Variants in ETF1 observed in about 807,000 individuals in gnomAD.
ETF1 encodes eukaryotic translation termination factor 1.
Under a neutral mutation model 55.1 loss-of-function variants are expected in ETF1, and 4 were observed. The ratio of observed to expected loss-of-function variants is 0.07; its 90% CI spans 0.04 to 0.17. The LOEUF is 0.17. Among genes scored for constraint, ETF1 ranks in the 10% least tolerant of loss-of-function variants. ETF1 has a pLI of 1.00. For synonymous variants in ETF1, 157 were observed against 182.3 expected (o/e 0.86, Z 1.12); for missense variants, 142 against 523.6 (o/e 0.27, Z 7.11).
chr5:138,511,530 C>G lies in ETF1; in HGVS notation c.807G>C (p.Glu269Asp). The G allele has an allele frequency of 6.2e-7, 1 of 1,613,510 alleles. No homozygotes were observed. The highest frequency in any genetic ancestry group is 8.5e-7 in the Non-Finnish European group (1 of 1,179,862). The change falls in exon 7 of 11, where the codon GAG becomes GAC. Residue 269 changes from glutamate (E) to aspartate (D), a missense_variant. This residue lies in a region of ETF1 where 82 missense variants were observed against 232.9 expected (regional missense o/e 0.35). Coordinates refer to ENST00000360541, the MANE Select transcript of ETF1 (RefSeq NM_004730.4). Reference protein sequence around the residue: ...GGENGFNQAIELSTEVLSNVK... With the variant: ...GGENGFNQAIDLSTEVLSNVK... Reference sequence around the variant, plus strand: ...CGTTGGAGAGGACTTCAGTAGATAACTCAATAGCTTGGTTGAATCCATTTT... The same window carrying G: ...CGTTGGAGAGGACTTCAGTAGATAAGTCAATAGCTTGGTTGAATCCATTTT...
At chr5:138,526,801 A>G (rs1339049934) in intron 2 of ETF1, among the ~76,000 whole-genome samples, 1 of 151,844 alleles carries the variant, frequency 6.6e-6, no homozygotes, top group South Asian at 2.1e-4. Context: ...CCTGGGTTCA[A>G]GCAATTCTTC....
chr5:138,514,581 T>G (rs1432632403), intron 4 of ETF1, among the ~76,000 whole-genome samples: 1 of 151,968 alleles, frequency 6.6e-6, no homozygotes, highest in Non-Finnish European at 1.5e-5. Context: ...TTTTTTTTTT[T>G]TTTGAGACAG....
intron 2 of ETF1, among the ~76,000 whole-genome samples, chr5:138,532,986 C>T (rs1387526370): frequency 1.3e-5 from 2 of 151,832 alleles, no homozygotes; most frequent in Non-Finnish European, 2.9e-5. Context: ...GTAACCCAGG[C>T]TGGAGTACAG....
intron 2 of ETF1, among the ~76,000 whole-genome samples, chr5:138,541,931 T>TC (rs1240009595): frequency 7.9e-5 from 12 of 151,622 alleles, no homozygotes; most frequent in African/African-American, 2.7e-4. Flanking sequence ...TAGCCTACTC[T>TC]CCCCCCAATG....
intron 10 of ETF1, 119 bp from the exon 11 acceptor site, chr5:138,508,506 G>A (rs1460695953): frequency 5.1e-6 from 8 of 1,560,726 alleles, no homozygotes; most frequent in Middle Eastern, 1.7e-4. Context: ...AAGCAAAGAG[G>A]TAATAATAAA....
chr5:138,506,870 G>C lies in ETF1; in HGVS notation c.*1435C>G, dbSNP rs568993217. 2.0e-5 allele frequency: 3 copies of C among 152,736 alleles called. No individual in the cohort carries two copies. In the East Asian group the frequency reaches 5.8e-4, roughly 29 times the overall value. 9.5% of individuals were successfully genotyped at this position (152,736 alleles called of 1,614,324 possible). On this transcript the variant is annotated 3_prime_UTR_variant, in exon 11 of 11. Coordinates refer to ENST00000360541, the MANE Select transcript of ETF1 (RefSeq NM_004730.4). The stretch of plus-strand genomic sequence containing the variant: ...GCAGTCAGGCACTAAAGTGTTAAAA[G>C]TACCCAATTTGAAAACCAAATGCAC...
intron 2 of ETF1, among the ~76,000 whole-genome samples, chr5:138,531,213 G>A (rs1243447456): frequency 6.6e-6 from 1 of 152,046 alleles, no homozygotes; most frequent in South Asian, 2.1e-4. Context: ...AGTCACACGC[G>A]CACACAAAAA....
At chr5:138,508,510 T>C in intron 10 of ETF1, 123 bp from the exon 11 acceptor site, 1 of 1,558,692 alleles carries the variant, frequency 6.4e-7, no homozygotes, top group Non-Finnish European at 8.6e-7. Context: ...AAAGAGGTAA[T>C]AATAAACATG....
chr5:138,525,838 T>C (rs139524187), intron 2 of ETF1, among the ~76,000 whole-genome samples: 64 of 151,550 alleles, frequency 4.2e-4, no homozygotes, highest in African/African-American at 1.4e-3. Flanking sequence ...CCCAGCTACT[T>C]TGAAGGCTGA....
In ETF1 at chr5:138,517,593, A is replaced by G. The variant is rs775242091; in HGVS notation, c.370T>C (p.Leu124=). ...FEPFKPINTS[L]YLCDNKFHTE... is the part of the protein sequence containing the mutation. The stretch of plus-strand genomic sequence containing the variant: ...TGGAATTTGTTGTCACACAAATACA[A>G]TGACGTATTAATTGGTTTGAAAGGT... The change falls in exon 4 of 11, where the codon TTG becomes CTG. Residue 124 remains leucine (L), a synonymous_variant. Transcript: ENST00000360541. The G allele has an allele frequency of 6.3e-7, 1 of 1,593,902 alleles. No individual in the cohort carries two copies. The highest frequency in any genetic ancestry group is 8.6e-7 in the Non-Finnish European group (1 of 1,167,164).
chr5:138,509,455 A>AAAAC lies in ETF1; in HGVS notation c.1084-643_1084-640dup, dbSNP rs559316243. On this transcript the variant is annotated intron_variant, in intron 9 of 10. Coordinates refer to ENST00000360541, the MANE Select transcript of ETF1 (RefSeq NM_004730.4). ...GCTTAACTACTTAAAAACAAAGACA[A>AAAAC]AAACAAACAAACAAACAAAAACCAG... Among the ~76,000 whole-genome samples the AAAAC allele has an allele frequency of 9.7e-4, 147 of 152,298 alleles. 1 individual carries two copies. Among genetic ancestry groups the AAAAC allele is most frequent in the Admixed American group, 8.5e-4 (13 of 15,300 alleles).
intron 2 of ETF1, among the ~76,000 whole-genome samples, chr5:138,540,358 G>A (rs147679376): frequency 1.3e-5 from 2 of 152,178 alleles, no homozygotes; most frequent in Non-Finnish European, 2.9e-5. Flanking sequence ...CAAAACATCA[G>A]CAAATACAGA....
At chr5:138,527,677 A>G (rs1167461245) in intron 2 of ETF1, among the ~76,000 whole-genome samples, 1 of 152,156 alleles carries the variant, frequency 6.6e-6, no homozygotes, top group Non-Finnish European at 1.5e-5. Flanking sequence ...GAGATAAAAG[A>G]TGGGGAAAAC....
intron 2 of ETF1, among the ~76,000 whole-genome samples, chr5:138,530,238 G>A (rs1315660899): frequency 6.6e-6 from 1 of 152,098 alleles, no homozygotes; most frequent in East Asian, 1.9e-4. Context: ...AGTGAGGGTG[G>A]TGATGATTTT....
intron 2 of ETF1, among the ~76,000 whole-genome samples, chr5:138,529,140 A>C (rs1765593710): frequency 6.6e-6 from 1 of 152,100 alleles, no homozygotes; most frequent in Non-Finnish European, 1.5e-5. Flanking sequence ...AAAAACAAAA[A>C]CAAAACCAAC....
At chr5:138,526,207 G>A (rs778605664) in intron 2 of ETF1, among the ~76,000 whole-genome samples, 19 of 152,092 alleles carry the variant, frequency 1.2e-4, no homozygotes, top group Non-Finnish European at 2.4e-4. Flanking sequence ...GTGGAAGCTG[G>A]CAAGAAAAAG....
At chr5:138,508,897 C>T in intron 9 of ETF1, 81 bp from the exon 10 acceptor site, 1 of 1,538,820 alleles carries the variant, frequency 6.5e-7, no homozygotes, top group East Asian at 2.3e-5. Flanking sequence ...GCCCCTTGCC[C>T]ACCTATCACT....
At chr5:138,537,894 TA>T (rs753565974) in intron 2 of ETF1, among the ~76,000 whole-genome samples, 15 of 146,506 alleles carry the variant, frequency 1.0e-4, no homozygotes, top group African/African-American at 1.8e-4. Context: ...TTATTATTAT[TA>T]TTTTTTTTTT....
chr5:138,513,170 A>G, intron 5 of ETF1: 1 of 985,302 alleles, frequency 1.0e-6, no homozygotes, highest in Non-Finnish European at 1.2e-6. Context: ...ATGAGGCACC[A>G]GTCATTACAG....
Sources: allele counts gnomAD v4.1 joint callset (sites outside exome capture counted in the v4.1 genomes callset), GRCh38; gene constraint gnomAD v4.1.1; regional missense constraint gnomAD v4.1.1; transcripts MANE v1.5; gene names NCBI Gene and HGNC (gene_info 2026-07-23, HGNC 2026-07-21).